The following CHST10 variants were observed in gnomAD, a reference collection of about 807,000 sequenced individuals.
The protein encoded by CHST10 is HNK-1 sulfotransferase.
A neutral mutation model predicts 34.7 loss-of-function variants in CHST10; 24 were observed. The observed-to-expected ratio is 0.69, with a 90% confidence interval of 0.50 to 0.97. CHST10 has a LOEUF of 0.97. Among genes scored for constraint, CHST10 ranks in the 50% least tolerant of loss-of-function variants. The pLI, the probability that CHST10 is intolerant of heterozygous loss-of-function variation, is 0.00. For synonymous variants in CHST10, 161 were observed against 169.3 expected (o/e 0.95, Z 0.38); for missense variants, 402 against 452.1 (o/e 0.89, Z 1.00).
At chr2:100,417,311 C>T (rs1573208493) in intron 1 of CHST10, 63 bp downstream of exon 1, 1 of 347,272 alleles carries the variant, frequency 2.9e-6, no homozygotes, top group Non-Finnish European at 5.7e-6. Context: ...TTTCCGTGCG[C>T]CCCGCGGCGG....
chr2:100,411,744 T>A (rs1675852705), intron 2 of CHST10, among the ~76,000 whole-genome samples: 2 of 152,186 alleles, frequency 1.3e-5, no homozygotes, highest in African/African-American at 2.4e-5. Flanking sequence ...ACAGAGCTTG[T>A]CGTCTAACAG....
At chr2:100,399,721 T>C (rs1019413903) in intron 4 of CHST10, among the ~76,000 whole-genome samples, 1 of 152,256 alleles carries the variant, frequency 6.6e-6, no homozygotes, top group East Asian at 1.9e-4. Context: ...CAAACTCTCT[T>C]ACACTCATGA....
chr2:100,399,119 T>A (rs1675215551), intron 4 of CHST10, among the ~76,000 whole-genome samples: 1 of 133,786 alleles, frequency 7.5e-6, no homozygotes. Context: ...TTTTTTTTTT[T>A]ATGAGACGGA....
In CHST10 at chr2:100,394,624, C is replaced by T. The variant is rs180837763; in HGVS notation, c.534-842G>A. Among the ~76,000 whole-genome samples, 381 of 152,298 alleles carry T rather than the reference C, an allele frequency of 2.5e-3. 3 individuals are homozygous for T. The highest frequency in any genetic ancestry group is 8.7e-3 in the African/African-American group (363 of 41,550). ...ATCCAGCTGGTGACCTGACGTGAGC[C>T]GCTGCTTTTGCATCCTCACTCCTTT... On this transcript the variant is annotated intron_variant, in intron 6 of 6. Transcript: ENST00000264249.
chr2:100,404,033 C>T (rs993584915), intron 3 of CHST10, among the ~76,000 whole-genome samples: 2 of 152,230 alleles, frequency 1.3e-5, no homozygotes, highest in African/African-American at 4.8e-5. Flanking sequence ...TTCAGCCCAG[C>T]GTCCTTGTGC....
chr2:100,413,069 C>T (rs1022418720), intron 2 of CHST10, among the ~76,000 whole-genome samples: 1 of 152,178 alleles, frequency 6.6e-6, no homozygotes, highest in East Asian at 1.9e-4. Context: ...ATGACACCAC[C>T]AAGGCTCATT....
At chr2:100,403,580 C>T (rs904691508) in intron 3 of CHST10, among the ~76,000 whole-genome samples, 6 of 152,090 alleles carry the variant, frequency 3.9e-5, no homozygotes, top group Admixed American at 6.5e-5. Context: ...CAGGAGAAAC[C>T]GGGAAAGGCA....
At chr2:100,399,630 G>A (rs1040238268) in intron 4 of CHST10, among the ~76,000 whole-genome samples, 5 of 152,168 alleles carry the variant, frequency 3.3e-5, no homozygotes, top group African/African-American at 4.8e-5. Context: ...CACTAGAACC[G>A]GGACGCTGGA....
Position 100,393,376 on chromosome 2 carries a change from C to T in CHST10, c.940G>A (p.Val314Met), listed in dbSNP as rs140261702. 1.4e-4 allele frequency: 233 copies of T among 1,614,124 alleles called. 2 individuals carry two copies. In the African/African-American group the frequency reaches 1.9e-3, roughly 13 times the overall value. ...TGCTCCACCTTGGTTCTGTTATACA[C>T]GGTAATGCCCGGAGGGATAGTCGGG... ...SYPTIPPGIT[V>M]YNRTKVEHYF... is the part of the protein sequence containing the mutation. Residue 314 changes from valine (V) to methionine (M), a missense_variant, in exon 7 of 7, where the codon GTG becomes ATG. By Grantham distance (21) the Val-to-Met change is conservative. Coordinates refer to ENST00000264249, the MANE Select transcript of CHST10 (RefSeq NM_004854.5).
Position 100,393,358 on chromosome 2 carries a change from C to G in CHST10, c.958G>C (p.Val320Leu). Residue 320 changes from valine to leucine, a missense_variant, in exon 7 of 7, where the codon GTG (valine) becomes CTG (leucine). Transcript: ENST00000264249. ...PGITVYNRTK[V>L]EHYFLGISKR... ...CTGATGCCCAGGAAATAGTGCTCCACCTTGGTTCTGTTATACACGGTAATG... is the reference window on the plus strand; with the variant it reads ...CTGATGCCCAGGAAATAGTGCTCCAGCTTGGTTCTGTTATACACGGTAATG... 3 of 1,614,200 alleles carry G rather than the reference C, an allele frequency of 1.9e-6. No individual in the cohort carries two copies. In the South Asian group the frequency reaches 3.3e-5, roughly 18 times the overall value.
Position 100,392,862 on chromosome 2 carries a change from C to T in CHST10, c.*383G>A. 8 of 221,156 alleles carry T rather than the reference C, an allele frequency of 3.6e-5. No individual in the cohort carries two copies. Among genetic ancestry groups the T allele is most frequent in the South Asian group, 1.8e-4 (2 of 11,382 alleles). The allele number at this position is 221,156 out of a possible 1,614,324, so 13.7% of individuals were successfully genotyped here. On this transcript the variant is annotated 3_prime_UTR_variant, in exon 7 of 7. Transcript: ENST00000264249. ...ACCCACCAGTGATGGGTGAAGCCAC[C>T]CTGACTAGCCAGGAGAACCTCAGGG...
rs767907084 is a variant in CHST10 at position 100,397,926 on chromosome 2, C to G, written c.409G>C (p.Val137Leu). ...PKVGNTQWKK[V>L]LIVLNGAFSS... Reference sequence around the variant, plus strand: ...CACACACCATTTAGAACAATCAGCACTTTCTTCCACTGGGTGTTGCCCACT... The same window carrying G: ...CACACACCATTTAGAACAATCAGCAGTTTCTTCCACTGGGTGTTGCCCACT... The change falls in exon 5 of 7, where the codon GTG becomes CTG. Residue 137 changes from valine (V) to leucine (L), a missense_variant. Val to Leu is a conservative substitution (Grantham distance 32). Transcript: ENST00000264249. 2 of 1,613,184 alleles carry G rather than the reference C, an allele frequency of 1.2e-6. No homozygotes were observed. The highest frequency in any genetic ancestry group is 1.3e-5 in the African/African-American group (1 of 74,902).
At chr2:100,413,246 T>G (rs1675921549) in intron 2 of CHST10, among the ~76,000 whole-genome samples, 1 of 152,162 alleles carries the variant, frequency 6.6e-6, no homozygotes, top group East Asian at 1.9e-4. Context: ...ACTCTCAGAG[T>G]GCCTCTAGAG....
chr2:100,417,138 A>G (rs1676099795), intron 1 of CHST10: 5 of 1,079,296 alleles, frequency 4.6e-6, no homozygotes, highest in Non-Finnish European at 5.1e-6. Context: ...CACAATATCA[A>G]TAATTCCGCG....
chr2:100,402,486 G>T, intron 4 of CHST10, 78 bp downstream of exon 4: 1 of 1,142,924 alleles, frequency 8.7e-7, no homozygotes, highest in Non-Finnish European at 1.3e-6. Flanking sequence ...AGCGGAACCA[G>T]CCACAGGGGA....
chr2:100,395,785 A>G (rs1216653069), intron 5 of CHST10, among the ~76,000 whole-genome samples, 171 bp from the exon 6 acceptor site: 1 of 152,198 alleles, frequency 6.6e-6, no homozygotes, highest in Non-Finnish European at 1.5e-5. Flanking sequence ...TTCTGCCAGC[A>G]GGATGAACGA....
intron 5 of CHST10, among the ~76,000 whole-genome samples, chr2:100,396,794 T>G (rs1050384982): frequency 6.6e-6 from 1 of 152,242 alleles, no homozygotes. Context: ...CTGATTTCTA[T>G]GCTGCCCTTC....
intron 2 of CHST10, chr2:100,408,729 A>C (rs897712367): frequency 6.6e-6 from 1 of 152,176 alleles, no homozygotes; most frequent in Non-Finnish European, 1.5e-5. Flanking sequence ...CCCTTCAAGA[A>C]ACTGAGGCTT....
intron 5 of CHST10, among the ~76,000 whole-genome samples, chr2:100,396,696 A>AC (rs1358771915): frequency 1.3e-5 from 2 of 152,032 alleles, no homozygotes; most frequent in Non-Finnish European, 2.9e-5. Context: ...CCATTCATGC[A>AC]CCTGTCCCCA....
Sources: allele counts gnomAD v4.1 joint callset (sites outside exome capture counted in the v4.1 genomes callset), GRCh38; gene constraint gnomAD v4.1.1; transcripts MANE v1.5; gene names NCBI Gene and HGNC (gene_info 2026-07-23, HGNC 2026-07-21).